Variants in STC2 observed in about 807,000 individuals in gnomAD.
STC2 encodes the protein stanniocalcin 2, also known as stanniocalcin-2.
In STC2, 7 loss-of-function variants were observed where a neutral mutation model predicts 22.7. The observed-to-expected ratio is 0.31, with a 90% CI of 0.18 to 0.58. The LOEUF is 0.58. Among genes scored for constraint, STC2 ranks in the 20% least tolerant of loss-of-function variants. The pLI, the probability that STC2 is intolerant of heterozygous loss-of-function variation, is 0.89. For missense variants in STC2, 336 were observed against 406.2 expected (o/e 0.83, Z 1.48); for synonymous variants, 158 against 163.4 (o/e 0.97, Z 0.25).
At chr5:173,318,271 A>AGC in intron 3 of STC2, 22 bp from the exon 4 acceptor site, 3 of 1,087,138 alleles carry the variant, frequency 2.8e-6, no homozygotes, top group Non-Finnish European at 3.6e-6. Flanking sequence ...AAGCAAAGAG[A>AGC]GAGAGAGAGA....
rs1762408742 is a variant in STC2 at position 173,315,424 on chromosome 5, A to G, written c.*2423T>C. 1 of 152,228 alleles carries G rather than the reference A, an allele frequency of 6.6e-6. No individual in the cohort carries two copies. The highest frequency in any genetic ancestry group is 6.5e-5 in the Admixed American group (1 of 15,288). 9.4% of individuals were successfully genotyped at this position (152,228 alleles called of 1,614,324 possible). ...AAAGCAGTGGCATGAAAAATATACAACAGAGATCAGTAAATGGGTTCAAAT... is the reference window on the plus strand; with the variant it reads ...AAAGCAGTGGCATGAAAAATATACAGCAGAGATCAGTAAATGGGTTCAAAT... On this transcript the variant is annotated 3_prime_UTR_variant, in exon 4 of 4. Transcript: ENST00000265087.
chr5:173,321,915 G>A (rs746755061), intron 3 of STC2, among the ~76,000 whole-genome samples: 7 of 152,234 alleles, frequency 4.6e-5, no homozygotes, highest in African/African-American at 1.4e-4. Context: ...TTTGTAAGGC[G>A]TTAGCCTAAT....
chr5:173,318,266 AAGAGAGAGAG>A lies in STC2; in HGVS notation c.507-27_507-18del, dbSNP rs4041247. The A allele has an allele frequency of 1.4e-4, 176 of 1,235,672 alleles. No individual in the cohort carries two copies. Among genetic ancestry groups the A allele is most frequent in the African/African-American group, 1.2e-3 (66 of 56,096 alleles). The allele number at this position is 1,235,672 out of a possible 1,614,324, so 76.5% of individuals were successfully genotyped here. On this transcript the variant is annotated intron_variant, in intron 3 of 3. Coordinates refer to ENST00000265087, the MANE Select transcript of STC2 (RefSeq NM_003714.3). ...ACGTAGGGTCTAAAGATTGAAAGCA[AAGAGAGAGAG>A]AGAGAGAGAGAGAGAGAGAGAGAGG...
intron 1 of STC2, chr5:173,326,552 T>G (rs6874142): frequency 0.13 from 19,520 of 152,720 alleles, 1,395 homozygotes; most frequent in African/African-American, 0.19. Flanking sequence ...AAAATTCCTA[T>G]TAAGGCAGTG....
chr5:173,318,907 AC>A (rs1762456510), intron 3 of STC2, among the ~76,000 whole-genome samples: 1 of 152,170 alleles, frequency 6.6e-6, no homozygotes, highest in African/African-American at 2.4e-5. Flanking sequence ...AGGGAGGAAG[AC>A]CATGTCCCTG....
In STC2 at chr5:173,318,096, C is replaced by T; in HGVS notation, c.660G>A (p.Thr220=). Residue 220 remains threonine, a synonymous_variant, in exon 4 of 4, where the codon ACG becomes ACA. Coordinates refer to ENST00000265087, the MANE Select transcript of STC2 (RefSeq NM_003714.3). ...FCTSAIQKPP[T]APPERQPQVD... Reference sequence around the variant, plus strand: ...CCTGGGGCTGGCGCTCGGGGGGCGCCGTGGGAGGCTTCTGGATGGCCGAGG... The same window carrying T: ...CCTGGGGCTGGCGCTCGGGGGGCGCTGTGGGAGGCTTCTGGATGGCCGAGG... 6.2e-7 allele frequency: 1 copy of T among 1,607,836 alleles called. No individual in the cohort carries two copies. Among genetic ancestry groups the T allele is most frequent in the African/African-American group, 1.3e-5 (1 of 74,514 alleles).
In STC2 at chr5:173,323,651, T is replaced by TGAA. The variant is rs940754641; in HGVS notation, c.295-222_295-221insTTC. Among the ~76,000 whole-genome samples, 71 of 152,204 alleles carry TGAA rather than the reference T, an allele frequency of 4.7e-4. No individual in the cohort carries two copies. The highest frequency in any genetic ancestry group is 1.7e-3 in the African/African-American group (70 of 41,436). The stretch of plus-strand genomic sequence containing the variant: ...ACCCCCAGCACTGGGCAACAAGGGA[T>TGAA]GTTCATTCTGTAGACGAACACATCT... On this transcript the variant is annotated intron_variant, in intron 2 of 3. Transcript: ENST00000265087. The surrounding 1 kb of genome is among the most constrained non-coding windows in gnomAD (Gnocchi z 5.4).
rs1762507835 is a variant in STC2 at position 173,323,279 on chromosome 5, G to C, written c.446C>G (p.Ala149Gly). 6.2e-7 allele frequency: 1 copy of C among 1,614,156 alleles called. No individual in the cohort carries two copies. Among genetic ancestry groups the C allele is most frequent in the Non-Finnish European group, 8.5e-7 (1 of 1,180,016 alleles). ...CACTATCACCCGGGTGTTCTCCTGG[G>C]CAGCCGCGCACAGGTCGTGCTTGAG... ...CYLKHDLCAA[A>G]QENTRVIVEM... Residue 149 changes from alanine to glycine, a missense_variant, in exon 3 of 4, where the codon GCC becomes GGC. By Grantham distance (60) the Ala-to-Gly change is moderately conservative. This residue lies in a region of STC2 where 215 missense variants were observed against 231.5 expected (regional missense o/e 0.93). Coordinates refer to ENST00000265087, the MANE Select transcript of STC2 (RefSeq NM_003714.3). The surrounding 1 kb of genome is among the most constrained non-coding windows in gnomAD (Gnocchi z 5.4).
Position 173,328,351 on chromosome 5 carries a change from T to G in STC2, c.-158A>C. 4.1e-6 allele frequency: 3 copies of G among 729,656 alleles called. No individual in the cohort carries two copies. The highest frequency in any genetic ancestry group is 4.0e-6 in the Non-Finnish European group (2 of 504,618). The allele number at this position is 729,656 out of a possible 1,614,324, so 45.2% of individuals were successfully genotyped here. On this transcript the variant is annotated 5_prime_UTR_variant, in exon 1 of 4. An upstream open reading frame in the 5' UTR loses its in-frame stop. Transcript: ENST00000265087. ...TCGCGGCCGCGGCTCGGATAGAGGT[T>G]ACCCAGCGCCCTCCCGTAGCTCTCC...
intron 1 of STC2, 53 bp downstream of exon 1, chr5:173,327,990 G>A: frequency 7.2e-7 from 1 of 1,397,672 alleles, no homozygotes; most frequent in Non-Finnish European, 9.3e-7. Context: ...CGCCGCGTGG[G>A]TGCACGGTGT....
Position 173,325,268 on chromosome 5 carries a change from C to T in STC2, c.294+600G>A, listed in dbSNP as rs1260395652. 6.6e-6 allele frequency among the ~76,000 whole-genome samples: 1 copy of T among 152,230 alleles called. No individual in the cohort carries two copies. The highest frequency in any genetic ancestry group is 1.5e-5 in the Non-Finnish European group (1 of 68,048). On this transcript the variant is annotated intron_variant, in intron 2 of 3. Transcript: ENST00000265087. This position sits in a 1 kb window ranked among gnomAD's most constrained non-coding sequence, Gnocchi z 4.7. ...TGTGTTCCTGCCTTGCCCTGAGCAG[C>T]AACTCCGCGTTCCCCTTGGGACCCT...
chr5:173,327,579 G>A (rs1347301912), intron 1 of STC2, among the ~76,000 whole-genome samples: 1 of 152,284 alleles, frequency 6.6e-6, no homozygotes, highest in Non-Finnish European at 1.5e-5. Context: ...GGGATGTCGG[G>A]CATCTTTTGA....
rs764369553 is a variant in STC2 at position 173,317,960 on chromosome 5, T to C, written c.796A>G (p.Ser266Gly). The change falls in exon 4 of 4, where the codon AGC becomes GGC. Residue 266 changes from serine (S) to glycine (G), a missense_variant. By Grantham distance (56) the Ser-to-Gly change is moderately conservative (BLOSUM62 0). This residue lies in a region of STC2 where 215 missense variants were observed against 231.5 expected (regional missense o/e 0.93). Coordinates refer to ENST00000265087, the MANE Select transcript of STC2 (RefSeq NM_003714.3). ...RGAKGERGSK[S>G]HPNAHARGRV... ...CCTCGGGCATGGGCGTTTGGGTGGC[T>C]CTTGCTACCTCGCTCACCCTTGGCA... 6.2e-7 allele frequency: 1 copy of C among 1,613,432 alleles called. No homozygotes were observed. The highest frequency in any genetic ancestry group is 1.1e-5 in the South Asian group (1 of 91,074).
At chr5:173,318,326 G>T in intron 3 of STC2, 77 bp from the exon 4 acceptor site, 1 of 1,316,898 alleles carries the variant, frequency 7.6e-7, no homozygotes, top group Admixed American at 3.2e-5. Context: ...AGTCCCGAAT[G>T]GACCACAGAG....
intron 1 of STC2, among the ~76,000 whole-genome samples, chr5:173,326,384 G>A (rs1314394633): frequency 6.6e-6 from 1 of 152,188 alleles, no homozygotes; most frequent in African/African-American, 2.4e-5. Context: ...AAAATTTTGA[G>A]TCGAAGACTG....
chr5:173,317,628 G>C lies in STC2; in HGVS notation c.*219C>G, dbSNP rs188186746. 1 of 466,778 alleles carries C rather than the reference G, an allele frequency of 2.1e-6. No individual in the cohort carries two copies. The highest frequency in any genetic ancestry group is 3.7e-6 in the Non-Finnish European group (1 of 272,004). The allele number at this position is 466,778 out of a possible 1,614,324, so 28.9% of individuals were successfully genotyped here. A position where few individuals can be genotyped will look rare whatever the true frequency, so the allele number is the denominator to read the frequency against. On this transcript the variant is annotated 3_prime_UTR_variant, in exon 4 of 4. Coordinates refer to ENST00000265087, the MANE Select transcript of STC2 (RefSeq NM_003714.3). ...AACGCGGGCGCGCTCCCTTGAGTAC[G>C]TGTAAGTGCAGAATTCACCAGGCAC...
Position 173,317,592 on chromosome 5 carries a change from G to C in STC2, c.*255C>G. 1 of 327,032 alleles carries C rather than the reference G, an allele frequency of 3.1e-6. No homozygotes were observed. Among genetic ancestry groups the C allele is most frequent in the Non-Finnish European group, 5.5e-6 (1 of 180,236 alleles). 20.3% of individuals were successfully genotyped at this position (327,032 alleles called of 1,614,324 possible). A position where few individuals can be genotyped will look rare whatever the true frequency, so the allele number is the denominator to read the frequency against. ...ACTCCACAGATGGAAAGAAGACAAA[G>C]GTACGAGGATAACGCGGGCGCGCTC... On this transcript the variant is annotated 3_prime_UTR_variant, in exon 4 of 4. Transcript: ENST00000265087.
chr5:173,315,488 C>G lies in STC2; in HGVS notation c.*2359G>C, dbSNP rs1762409955. On this transcript the variant is annotated 3_prime_UTR_variant, in exon 4 of 4. Transcript: ENST00000265087. ...CATTTTATGCCTTAGGGGGAAAACA[C>G]AGAGATAATAAATACAAATGACAAA... 1.3e-5 allele frequency: 2 copies of G among 152,108 alleles called. No individual in the cohort carries two copies. Among genetic ancestry groups the G allele is most frequent in the African/African-American group, 4.8e-5 (2 of 41,410 alleles). The allele number at this position is 152,108 out of a possible 1,614,324, so 9.4% of individuals were successfully genotyped here. A position where few individuals can be genotyped will look rare whatever the true frequency, so the allele number is the denominator to read the frequency against.
Position 173,328,388 on chromosome 5 carries a change from G to T in STC2, c.-195C>A. 1 of 474,548 alleles carries T rather than the reference G, an allele frequency of 2.1e-6. No homozygotes were observed. Among genetic ancestry groups the T allele is most frequent in the Non-Finnish European group, 3.5e-6 (1 of 288,584 alleles). The allele number at this position is 474,548 out of a possible 1,614,324, so 29.4% of individuals were successfully genotyped here. On this transcript the variant is annotated 5_prime_UTR_variant, in exon 1 of 4. Transcript: ENST00000265087. ...TCCCGTAGCTCTCCGGAGAGCATGT[G>T]ACCAGGCCGTTAGCAGCGCCGCGAG... is the stretch of plus-strand genomic sequence containing the variant.
Sources: gnomAD v4.1 joint callset for allele counts (sites outside exome capture counted in the v4.1 genomes callset) on GRCh38, gnomAD v4.1.1 for gene constraint, gnomAD v4.1.1 regional missense constraint, Gnocchi (gnomAD v3.1) non-coding constraint, MANE v1.5 for transcripts, NCBI Gene and HGNC (gene_info 2026-07-23, HGNC 2026-07-21) for gene names.